The following DPYSL2 variants were observed in gnomAD, a reference collection of about 807,000 sequenced individuals.
DPYSL2 encodes the protein dihydropyrimidinase-related protein 2.
Under a neutral mutation model 69.9 loss-of-function variants are expected in DPYSL2, and 13 were observed. The ratio of observed to expected loss-of-function variants is 0.19; its 90% CI spans 0.12 to 0.30. The LOEUF (loss-of-function observed/expected upper bound fraction) is 0.30. Ranked by LOEUF, DPYSL2 falls within the 10% of genes least tolerant of loss-of-function variation. DPYSL2 has a pLI of 1.00. For synonymous variants in DPYSL2, 326 were observed against 359.1 expected, an observed-to-expected ratio of 0.91 and a Z score of 1.04; for missense variants, 587 against 918.9, an observed-to-expected ratio of 0.64 and a Z score of 4.67.
chr8:26,531,458 C>G (rs1224408760), intron 1 of DPYSL2, among the ~76,000 whole-genome samples: 5 of 152,254 alleles, frequency 3.3e-5, no homozygotes, highest in Middle Eastern at 3.4e-3. Context: ...GAGGTGGTGT[C>G]TGAACCCATG....
chr8:26,634,725 A>G (rs572782509), intron 7 of DPYSL2, 55 bp from the exon 8 acceptor site: 1 of 1,611,758 alleles, frequency 6.2e-7, no homozygotes, highest in Non-Finnish European at 8.5e-7. Flanking sequence ...GGATAAAGGT[A>G]GCGGCTCGTG....
At position 26,593,488 on chromosome 8, in the gene DPYSL2, G is replaced by T. The variant is rs1801787440; in HGVS notation, c.628+9505G>T. On this transcript the variant is annotated intron_variant, in intron 3 of 13. Coordinates refer to ENST00000521913, the MANE Select transcript of DPYSL2 (RefSeq NM_001197293.3). The surrounding 1 kb of genome is among the most constrained non-coding windows in gnomAD (Gnocchi z 5.7). The stretch of plus-strand genomic sequence containing the variant: ...TGCCCTCTGCTCCCTGCTTTGTCCT[G>T]TCCTCTTCACGAAGGGAGTGGGATC... 6.6e-6 allele frequency among the ~76,000 whole-genome samples: 1 copy of T among 152,178 alleles called. No individual in the cohort carries two copies. Among genetic ancestry groups the T allele is most frequent in the South Asian group, 2.1e-4 (1 of 4,826 alleles).
Position 26,556,181 on chromosome 8 carries a change from TACTA to T in DPYSL2, c.355-25787_355-25784del, listed in dbSNP as rs1800959031. On this transcript the variant is annotated intron_variant, in intron 1 of 13. Coordinates refer to ENST00000521913, the MANE Select transcript of DPYSL2 (RefSeq NM_001197293.3). ...TATAGTATATACTATATATAGTATA[TACTA>T]TATATATTATATATACTATATATAT... 1.3e-4 allele frequency among the ~76,000 whole-genome samples: 3 copies of T among 22,418 alleles called. 1 individual carries two copies. The highest frequency in any genetic ancestry group is 3.9e-4 in the African/African-American group (3 of 7,760). The allele number at this position is 22,418 out of a possible 152,430, so 14.7% of individuals were successfully genotyped here. A position where few individuals can be genotyped will look rare whatever the true frequency, so the allele number is the denominator to read the frequency against.
At chr8:26,556,341 A>ATATATATAGTATATATATATAG (rs1563385443) in intron 1 of DPYSL2, among the ~76,000 whole-genome samples, 4 of 9,154 alleles carry the variant, frequency 4.4e-4, no homozygotes, top group African/African-American at 7.5e-4. Flanking sequence ...TATATATAGT[A>ATATATATAGTATATATATATAG]TATATATATA....
chr8:26,657,866 G>A lies in DPYSL2; in HGVS notation c.*2160G>A, dbSNP rs1324855048. ...TGTGTCTGTTAAATGAATGTCATAT[G>A]TAAATGCTAAAATAAATCGACAGTG... On this transcript the variant is annotated 3_prime_UTR_variant, in exon 14 of 14. Coordinates refer to ENST00000521913, the MANE Select transcript of DPYSL2 (RefSeq NM_001197293.3). 6.6e-6 allele frequency: 1 copy of A among 152,628 alleles called. No homozygotes were observed. 9.5% of individuals were successfully genotyped at this position (152,628 alleles called of 1,614,324 possible).
chr8:26,522,933 G>C (rs1454970617), intron 1 of DPYSL2, among the ~76,000 whole-genome samples: 1 of 151,984 alleles, frequency 6.6e-6, no homozygotes, highest in African/African-American at 2.4e-5. Flanking sequence ...TGGATCATCT[G>C]AAATCTACTG....
rs1161527965 is a variant in DPYSL2 at position 26,617,692 on chromosome 8, C to T, written c.629-6451C>T. 6.6e-6 allele frequency among the ~76,000 whole-genome samples: 1 copy of T among 152,178 alleles called. No individual in the cohort carries two copies. Among genetic ancestry groups the T allele is most frequent in the Non-Finnish European group, 1.5e-5 (1 of 68,028 alleles). On this transcript the variant is annotated intron_variant, in intron 3 of 13. Transcript: ENST00000521913. The surrounding 1 kb of genome is among the most constrained non-coding windows in gnomAD (Gnocchi z 4.7). ...GGGAAGGAAGCACTGATTCTCGCTG[C>T]AGCATGGATGAACCTTGACGACATG...
Position 26,647,970 on chromosome 8 carries a change from C to T in DPYSL2, c.1596+170C>T, listed in dbSNP as rs1296319367. On this transcript the variant is annotated intron_variant, in intron 11 of 13. Transcript: ENST00000521913. The surrounding 1 kb of genome is among the most constrained non-coding windows in gnomAD (Gnocchi z 5.1). ...GGGAAAAGAATAGTTATTTCATTTT[C>T]TTTAGTGAGGTCAATAAGATTGTTA... is the stretch of plus-strand genomic sequence containing the variant. 6.6e-6 allele frequency among the ~76,000 whole-genome samples: 1 copy of T among 152,156 alleles called. No individual in the cohort carries two copies. Among genetic ancestry groups the T allele is most frequent in the African/African-American group, 2.4e-5 (1 of 41,418 alleles).
chr8:26,551,479 C>T (rs4872452), intron 1 of DPYSL2, among the ~76,000 whole-genome samples: 133,170 of 152,248 alleles, frequency 0.87, 58,646 homozygotes, highest in East Asian at 0.99. Flanking sequence ...ACAAATCTGC[C>T]AGTATAGTTA....
intron 1 of DPYSL2, among the ~76,000 whole-genome samples, chr8:26,563,434 CT>C (rs936419041): frequency 4.3e-4 from 65 of 152,190 alleles, no homozygotes; most frequent in African/African-American, 1.4e-3. Flanking sequence ...GCCCCAATAT[CT>C]TTTTCCAGAC....
chr8:26,523,935 T>C (rs1247731394), intron 1 of DPYSL2, among the ~76,000 whole-genome samples: 1 of 152,256 alleles, frequency 6.6e-6, no homozygotes, highest in Non-Finnish European at 1.5e-5. Context: ...CAGTGGACAA[T>C]TGGGTTATCC....
Position 26,647,283 on chromosome 8 carries a change from G to A in DPYSL2, c.1426-347G>A, listed in dbSNP as rs990068539. On this transcript the variant is annotated intron_variant, in intron 10 of 13. Transcript: ENST00000521913. This position sits in a 1 kb window ranked among gnomAD's most constrained non-coding sequence, Gnocchi z 5.1. ...GTGTGGGTATAGCTCTAGGCTGTGT[G>A]GCCACCTGTGGAGTCATGTGACCAT... Among the ~76,000 whole-genome samples, 1 of 152,128 alleles carries A rather than the reference G, an allele frequency of 6.6e-6. No individual in the cohort carries two copies. Among genetic ancestry groups the A allele is most frequent in the African/African-American group, 2.4e-5 (1 of 41,434 alleles).
In DPYSL2 at chr8:26,556,343, A is replaced by ATATATAGTG. The variant is rs1393625179; in HGVS notation, c.355-25620_355-25619insGTGTATATA. Among the ~76,000 whole-genome samples the ATATATAGTG allele has an allele frequency of 1.5e-3, 35 of 23,140 alleles. 1 individual carries two copies. The highest frequency in any genetic ancestry group is 2.5e-3 in the Non-Finnish European group (23 of 9,088). 15.2% of individuals were successfully genotyped at this position (23,140 alleles called of 152,430 possible). On this transcript the variant is annotated intron_variant, in intron 1 of 13. Coordinates refer to ENST00000521913, the MANE Select transcript of DPYSL2 (RefSeq NM_001197293.3). ...TATATATATAGTATATATATAGTAT[A>ATATATAGTG]TATATATAGTATATATATATAGTAT...
At chr8:26,615,966 T>G (rs1802337894) in intron 3 of DPYSL2, among the ~76,000 whole-genome samples, 2 of 152,338 alleles carry the variant, frequency 1.3e-5, no homozygotes, top group South Asian at 4.1e-4. Context: ...CATAGCTTTA[T>G]CTTCCTGGGG....
intron 3 of DPYSL2, among the ~76,000 whole-genome samples, chr8:26,612,829 G>T (rs1802262825): frequency 6.6e-6 from 1 of 152,218 alleles, no homozygotes. Context: ...AAGGAGGCAG[G>T]TGCCAAGTGC....
rs759354401 is a variant in DPYSL2 at position 26,644,043 on chromosome 8, C to T, written c.1377C>T (p.Gly459=). The stretch of plus-strand genomic sequence containing the variant: ...ACAACTTCACCCTGATTCCGGAGGG[C>T]ACCAATGGCACTGAGGAGCGGATGT... ...GKDNFTLIPE[G]TNGTEERMSV... is the part of the protein sequence containing the mutation. The change falls in exon 10 of 14, where the codon GGC becomes GGT. Residue 459 remains glycine, a synonymous_variant. Coordinates refer to ENST00000521913, the MANE Select transcript of DPYSL2 (RefSeq NM_001197293.3). The surrounding 1 kb of genome is among the most constrained non-coding windows in gnomAD (Gnocchi z 4.5). 1 of 1,614,114 alleles carries T rather than the reference C, an allele frequency of 6.2e-7. No homozygotes were observed. Among genetic ancestry groups the T allele is most frequent in the African/African-American group, 1.3e-5 (1 of 74,940 alleles).
At chr8:26,567,155 C>CCCATCCAT (rs147501253) in intron 1 of DPYSL2, among the ~76,000 whole-genome samples, 58 of 147,938 alleles carry the variant, frequency 3.9e-4, no homozygotes, top group Admixed American at 9.4e-4. Flanking sequence ...CATACATCTG[C>CCCATCCAT]CCATCCATCC....
chr8:26,643,073 A>G lies in DPYSL2; in HGVS notation c.1127-366A>G, dbSNP rs1803089031. On this transcript the variant is annotated intron_variant, in intron 8 of 13. Transcript: ENST00000521913. The surrounding 1 kb of genome is among the most constrained non-coding windows in gnomAD (Gnocchi z 6.5). ...AAATTTGAGGTGCCATAGGCCATGC[A>G]TAAAGAACAGTCCAGATGGCACCTG... The G allele has an allele frequency of 4.9e-6, 1 of 203,946 alleles. No individual in the cohort carries two copies. Among genetic ancestry groups the G allele is most frequent in the Admixed American group, 5.2e-5 (1 of 19,128 alleles). The allele number at this position is 203,946 out of a possible 1,614,324, so 12.6% of individuals were successfully genotyped here.
intron 3 of DPYSL2, among the ~76,000 whole-genome samples, chr8:26,594,208 A>G (rs1459236045): frequency 6.6e-6 from 1 of 152,208 alleles, no homozygotes; most frequent in Non-Finnish European, 1.5e-5. Flanking sequence ...TCTTACGACT[A>G]TGGAAAAAGT....
Sources: gnomAD v4.1 joint callset for allele counts (sites outside exome capture counted in the v4.1 genomes callset) on GRCh38, gnomAD v4.1.1 for gene constraint, Gnocchi (gnomAD v3.1) non-coding constraint, MANE v1.5 for transcripts, NCBI Gene and HGNC (gene_info 2026-07-23, HGNC 2026-07-21) for gene names.